The following KLF12 variants were observed in gnomAD, a reference collection of about 807,000 sequenced individuals.
KLF12 encodes the protein Krueppel-like factor 12.
Under a neutral mutation model 37.8 loss-of-function variants are expected in KLF12, and 9 were observed. The observed-to-expected ratio is 0.24, with a 90% CI of 0.14 to 0.42. KLF12 has a LOEUF of 0.42. Among genes scored for constraint, KLF12 ranks in the 10% least tolerant of loss-of-function variants. The pLI is 1.00. For missense variants in KLF12, 411 were observed against 516.0 expected (o/e 0.80, Z 1.97); for synonymous variants, 208 against 202.1 (o/e 1.03, Z -0.25).
the KLF12 span, among the ~76,000 whole-genome samples, chr13:74,261,416 G>A: frequency 6.6e-6 from 1 of 152,042 alleles, no homozygotes; most frequent in African/African-American, 2.4e-5. Flanking sequence ...CAAAATAAAA[G>A]TGCTTCGGTG....
At chr13:74,131,433 G>A (rs1050856457) in intron 1 of KLF12, among the ~76,000 whole-genome samples, 2 of 152,138 alleles carry the variant, frequency 1.3e-5, no homozygotes, top group African/African-American at 4.8e-5. Context: ...CACACACATA[G>A]GCTGCAGCTG....
intron 1 of KLF12, among the ~76,000 whole-genome samples, chr13:74,011,441 GTTCACTAACCA>G (rs1402960926): frequency 6.6e-6 from 1 of 151,986 alleles, no homozygotes; most frequent in Non-Finnish European, 1.5e-5. Flanking sequence ...ACTTTAAAAA[GTTCACTAACCA>G]TTTACTAATC....
intron 1 of KLF12, among the ~76,000 whole-genome samples, chr13:74,070,934 A>G (rs1874197442): frequency 6.6e-6 from 1 of 152,240 alleles, no homozygotes; most frequent in South Asian, 2.1e-4. Flanking sequence ...AACAGTCACT[A>G]TGAACAACTT....
At chr13:73,955,573 T>C (rs571099992) in intron 2 of KLF12, among the ~76,000 whole-genome samples, 1 of 152,338 alleles carries the variant, frequency 6.6e-6, no homozygotes, top group South Asian at 2.1e-4. Context: ...AAGACAACCA[T>C]GAAGTGTCTG....
At chr13:73,721,836 A>C (rs7992690) in intron 6 of KLF12, among the ~76,000 whole-genome samples, 96,341 of 151,484 alleles carry the variant, frequency 0.64, 31,107 homozygotes, top group East Asian at 0.73. Flanking sequence ...TAGGTATGAG[A>C]CACTATGCCT....
chr13:73,980,667 G>C (rs1170427762), intron 2 of KLF12, among the ~76,000 whole-genome samples: 1 of 151,978 alleles, frequency 6.6e-6, no homozygotes, highest in Non-Finnish European at 1.5e-5. Context: ...ATAGAAAAAT[G>C]GTCAAAAGAC....
At chr13:74,105,755 A>G (rs1356033146) in intron 1 of KLF12, among the ~76,000 whole-genome samples, 1 of 152,176 alleles carries the variant, frequency 6.6e-6, no homozygotes, top group Non-Finnish European at 1.5e-5. Context: ...TGTTCAAATA[A>G]TTCAACACTC....
At chr13:73,929,465 A>C (rs1384561688) in intron 3 of KLF12, among the ~76,000 whole-genome samples, 1 of 152,240 alleles carries the variant, frequency 6.6e-6, no homozygotes, top group African/African-American at 2.4e-5. Flanking sequence ...TTCAAAATCC[A>C]CACATCGTAT....
rs1893105105 is a variant in KLF12 at position 74,031,299 on chromosome 13, C to T, written c.-31-36246G>A. On this transcript the variant is annotated intron_variant, in intron 1 of 7. Coordinates refer to ENST00000377669, the MANE Select transcript of KLF12 (RefSeq NM_007249.5). ...GATGGCTTCATAAATTAGATTTACA[C>T]TCAACAAACAGACTGTGTCTTCTGC... Among the ~76,000 whole-genome samples the T allele has an allele frequency of 2.0e-5, 3 of 152,136 alleles. No individual in the cohort carries two copies. The South Asian group carries it at 6.2e-4, about 31-fold the overall frequency.
At position 73,934,670 on chromosome 13, in the gene KLF12, C is replaced by T. The variant is rs536565876; in HGVS notation, c.123+9311G>A. 6.0e-4 allele frequency among the ~76,000 whole-genome samples: 91 copies of T among 152,182 alleles called. 1 individual carries two copies. Among genetic ancestry groups the T allele is most frequent in the South Asian group, 4.6e-3 (22 of 4,824 alleles). ...AGACTATGTCCTTTATTACTTGTTT[C>T]TAGCAATTTGATTATTCTGTGTTTT... is the stretch of plus-strand genomic sequence containing the variant. On this transcript the variant is annotated intron_variant, in intron 3 of 7. Coordinates refer to ENST00000377669, the MANE Select transcript of KLF12 (RefSeq NM_007249.5).
the KLF12 span, among the ~76,000 whole-genome samples, chr13:74,270,365 G>A: frequency 6.6e-6 from 1 of 152,144 alleles, no homozygotes; most frequent in Non-Finnish European, 1.5e-5. Flanking sequence ...CCTCCAGTGA[G>A]GTAAAAGGAG....
At chr13:74,137,518 C>CA (rs1389842095), upstream of KLF12, among the ~76,000 whole-genome samples, 3 of 152,182 alleles carry the variant, frequency 2.0e-5, no homozygotes, top group Admixed American at 6.5e-5. Context: ...ATAACGCATG[C>CA]ATTGAGTTTC....
intron 3 of KLF12, among the ~76,000 whole-genome samples, chr13:73,922,672 G>T (rs1380805977): frequency 6.6e-6 from 1 of 152,088 alleles, no homozygotes; most frequent in Non-Finnish European, 1.5e-5. Context: ...CTGACTTCTT[G>T]TCAGGCTCAA....
At chr13:73,811,870 A>T (rs1882957477) in intron 5 of KLF12, among the ~76,000 whole-genome samples, 1 of 152,182 alleles carries the variant, frequency 6.6e-6, no homozygotes, top group Admixed American at 6.6e-5. Context: ...TTCATTTTAT[A>T]TACGCACAGA....
chr13:73,952,674 C>T (rs1278705226), intron 2 of KLF12, among the ~76,000 whole-genome samples: 1 of 152,198 alleles, frequency 6.6e-6, no homozygotes, highest in Non-Finnish European at 1.5e-5. Flanking sequence ...GACGGAAAGG[C>T]TCCCTGCCTT....
At chr13:73,963,821 C>T (rs1053961067) in intron 2 of KLF12, among the ~76,000 whole-genome samples, 3 of 152,116 alleles carry the variant, frequency 2.0e-5, no homozygotes, top group Admixed American at 6.5e-5. Context: ...TATATTTATG[C>T]AAGCTACTAA....
At chr13:73,959,124 C>CAAAAAAAAA (rs66521656) in intron 2 of KLF12, among the ~76,000 whole-genome samples, 2 of 86,836 alleles carry the variant, frequency 2.3e-5, no homozygotes, top group South Asian at 5.4e-4. Flanking sequence ...ACCCCCCTTC[C>CAAAAAAAAA]AAAAAAAAAC....
intron 1 of KLF12, among the ~76,000 whole-genome samples, chr13:74,044,793 C>T (rs887402758): frequency 2.8e-4 from 42 of 150,322 alleles, no homozygotes; most frequent in African/African-American, 1.0e-3. Flanking sequence ...TGCGGTAAGC[C>T]AAGATCACGC....
At chr13:73,755,245 AAG>A (rs1230455056) in intron 6 of KLF12, among the ~76,000 whole-genome samples, 1 of 152,222 alleles carries the variant, frequency 6.6e-6, no homozygotes. Flanking sequence ...GGAATGGAAA[AAG>A]AGATGGAATT....
Sources: gnomAD v4.1 joint callset for allele counts (sites outside exome capture counted in the v4.1 genomes callset) on GRCh38, gnomAD v4.1.1 for gene constraint, MANE v1.5 for transcripts, NCBI Gene and HGNC (gene_info 2026-07-23, HGNC 2026-07-21) for gene names.